Variants in KATNA1 observed in about 807,000 individuals in gnomAD.
The protein encoded by KATNA1 is katanin p60 ATPase-containing subunit A1.
In KATNA1, 42 loss-of-function variants were observed where a neutral mutation model predicts 62.6. That is an observed-to-expected ratio of 0.67 (90% CI 0.52 to 0.87). KATNA1 has a LOEUF of 0.87. Among genes scored for constraint, KATNA1 ranks in the 40% least tolerant of loss-of-function variants. The probability of loss-of-function intolerance (pLI) is 0.00; values close to 1 mark genes in which losing one functional copy is unlikely to be tolerated. For missense variants in KATNA1, 498 were observed against 612.5 expected (o/e 0.81, Z 1.97); for synonymous variants, 186 against 201.9 (o/e 0.92, Z 0.67).
At chr6:149,613,131 G>GA (rs1256415648) in intron 4 of KATNA1, among the ~76,000 whole-genome samples, 2 of 124,022 alleles carry the variant, frequency 1.6e-5, no homozygotes, top group African/African-American at 6.0e-5. Context: ...AGTGAGTGGG[G>GA]ATCACGCCAC....
chr6:149,635,784 T>C (rs1312897330), intron 2 of KATNA1, among the ~76,000 whole-genome samples: 2 of 151,556 alleles, frequency 1.3e-5, no homozygotes, highest in African/African-American at 4.8e-5. Flanking sequence ...AGGCCAGGCA[T>C]GGTGGCTCAT....
upstream of KATNA1, chr6:149,648,790 G>C (rs1409599980): frequency 6.6e-6 from 1 of 152,400 alleles, no homozygotes; most frequent in South Asian, 2.1e-4. Context: ...CGGGCCCGGG[G>C]CCGCGCGTGC....
intron 2 of KATNA1, among the ~76,000 whole-genome samples, chr6:149,637,331 G>A (rs1476815980): frequency 6.6e-6 from 1 of 152,142 alleles, no homozygotes; most frequent in African/African-American, 2.4e-5. Context: ...AGGATTGTTT[G>A]AGCCTGAGCC....
chr6:149,626,715 G>A lies in KATNA1; in HGVS notation c.321-3432C>T, dbSNP rs796963679. ...TATACACCATCTGGCTGGACGCAGT[G>A]GCTCACGCCTGTAATCTCAGCACTT... is the stretch of plus-strand genomic sequence containing the variant. On this transcript the variant is annotated intron_variant, in intron 3 of 10. Coordinates refer to ENST00000367411, the MANE Select transcript of KATNA1 (RefSeq NM_007044.4). Among the ~76,000 whole-genome samples, 124 of 151,752 alleles carry A rather than the reference G, an allele frequency of 8.2e-4. 3 individuals carry two copies. Among genetic ancestry groups the A allele is most frequent in the African/African-American group, 2.9e-3 (119 of 41,226 alleles).
intron 4 of KATNA1, among the ~76,000 whole-genome samples, chr6:149,610,256 A>G (rs999191676): frequency 3.3e-5 from 5 of 149,674 alleles, no homozygotes; most frequent in African/African-American, 1.2e-4. Flanking sequence ...AGCTATGATC[A>G]GTGCCACTGC....
Position 149,597,717 on chromosome 6 carries a change from T to C in KATNA1, c.1016-76A>G. The C allele has an allele frequency of 3.6e-6, 5 of 1,380,064 alleles. No homozygotes were observed. In the East Asian group the frequency reaches 1.1e-4, roughly 32 times the overall value. The allele number at this position is 1,380,064 out of a possible 1,614,324, so 85.5% of individuals were successfully genotyped here. A position where few individuals can be genotyped will look rare whatever the true frequency, so the allele number is the denominator to read the frequency against. On this transcript the variant is annotated intron_variant, in intron 8 of 10. Coordinates refer to ENST00000367411, the MANE Select transcript of KATNA1 (RefSeq NM_007044.4). ...CAAATGAAGCTCAGCTATTTAAAGA[T>C]CAACAACTATTTAGTACAACAATAC...
At chr6:149,633,877 A>G (rs1271290956) in intron 2 of KATNA1, among the ~76,000 whole-genome samples, 2 of 152,130 alleles carry the variant, frequency 1.3e-5, no homozygotes, top group Admixed American at 6.5e-5. Flanking sequence ...AATCGCTTGA[A>G]CCTGGGAGGC....
At chr6:149,609,363 T>C (rs985035793) in intron 4 of KATNA1, among the ~76,000 whole-genome samples, 1 of 151,660 alleles carries the variant, frequency 6.6e-6, no homozygotes, top group Non-Finnish European at 1.5e-5. Context: ...GCATAGTATT[T>C]TTTAAGGAAA....
At chr6:149,606,012 G>A (rs1039816280) in intron 4 of KATNA1, among the ~76,000 whole-genome samples, 2 of 152,042 alleles carry the variant, frequency 1.3e-5, no homozygotes, top group African/African-American at 4.8e-5. Flanking sequence ...CGCCCACCTC[G>A]GCCTCCCAAA....
chr6:149,617,616 A>G (rs1779212421), intron 4 of KATNA1, among the ~76,000 whole-genome samples: 1 of 152,164 alleles, frequency 6.6e-6, no homozygotes, highest in South Asian at 2.1e-4. Context: ...CCTGATCAAC[A>G]TGGTGAAACC....
chr6:149,601,850 T>C (rs1294401572), intron 6 of KATNA1, 98 bp from the exon 7 acceptor site: 42 of 812,446 alleles, frequency 5.2e-5, no homozygotes, highest in Non-Finnish European at 1.1e-5. Context: ...CCAACTTATA[T>C]ATAATATCAA....
chr6:149,633,140 G>A (rs1028026166), intron 2 of KATNA1, among the ~76,000 whole-genome samples: 1 of 118,926 alleles, frequency 8.4e-6, no homozygotes, highest in Non-Finnish European at 1.6e-5. Flanking sequence ...GTCTCACTCT[G>A]TCGCCCAGGC....
At chr6:149,633,050 T>G (rs1779910856) in intron 2 of KATNA1, 134 bp from the exon 3 acceptor site, 1 of 606,330 alleles carries the variant, frequency 1.6e-6, no homozygotes, top group Non-Finnish European at 2.7e-6. Flanking sequence ...CATCAAGATA[T>G]TCTATCAAAA....
At chr6:149,612,200 T>C (rs937413889) in intron 4 of KATNA1, among the ~76,000 whole-genome samples, 3 of 152,010 alleles carry the variant, frequency 2.0e-5, no homozygotes, top group African/African-American at 2.4e-5. Context: ...GTAGTTTCAT[T>C]GTAGAAACAT....
At chr6:149,618,871 A>C (rs1053092599) in intron 4 of KATNA1, among the ~76,000 whole-genome samples, 3 of 152,214 alleles carry the variant, frequency 2.0e-5, no homozygotes, top group Non-Finnish European at 4.4e-5. Context: ...TGAAACTATG[A>C]AATTATTAGA....
intron 1 of KATNA1, among the ~76,000 whole-genome samples, chr6:149,642,429 C>T (rs999729561): frequency 2.6e-5 from 4 of 152,136 alleles, no homozygotes; most frequent in Non-Finnish European, 5.9e-5. Flanking sequence ...CCAGCAATCC[C>T]ACTCTTGTGT....
chr6:149,642,149 C>T (rs186315051), intron 1 of KATNA1, among the ~76,000 whole-genome samples: 1 of 152,328 alleles, frequency 6.6e-6, no homozygotes, highest in East Asian at 1.9e-4. Flanking sequence ...GATCCGCCCA[C>T]CTGGGCCTCC....
intron 3 of KATNA1, among the ~76,000 whole-genome samples, chr6:149,631,803 G>A (rs1582799305): frequency 6.6e-6 from 1 of 152,150 alleles, no homozygotes. Flanking sequence ...GTTGAAAAAT[G>A]TGCAGTAAAA....
chr6:149,635,809 C>A (rs1780044996), intron 2 of KATNA1, among the ~76,000 whole-genome samples: 1 of 150,094 alleles, frequency 6.7e-6, no homozygotes, highest in South Asian at 2.1e-4. Flanking sequence ...GCAATCCCAG[C>A]ACTTTGGGAG....
Sources: allele counts gnomAD v4.1 joint callset (sites outside exome capture counted in the v4.1 genomes callset), GRCh38; gene constraint gnomAD v4.1.1; transcripts MANE v1.5; gene names NCBI Gene and HGNC (gene_info 2026-07-23, HGNC 2026-07-21).